EYS: variants seen among roughly 807,000 people sequenced by gnomAD.
EYS encodes the protein EGF-like photoreceptor maintenance factor.
Under a neutral mutation model 282.1 loss-of-function variants are expected in EYS, and 250 were observed. That is an observed-to-expected ratio of 0.89 (90% CI 0.80 to 0.98). EYS has a LOEUF of 0.98. EYS is among the 50% of genes least tolerant of loss of function. The probability of loss-of-function intolerance (pLI) is 0.00; values close to 1 mark genes in which losing one functional copy is unlikely to be tolerated. For synonymous variants in EYS, 1,355 were observed against 1,282.9 expected (o/e 1.06, Z -1.20); for missense variants, 4,016 against 3,709.0 (o/e 1.08, Z -2.15).
intron 1 of EYS, among the ~76,000 whole-genome samples, chr6:65,691,996 C>T (rs139598224): frequency 0.019 from 2,874 of 149,924 alleles, 121 homozygotes; most frequent in Non-Finnish European, 0.03. Context: ...CAGCACTTCT[C>T]ACAATAGGAG....
intron 16 of EYS, among the ~76,000 whole-genome samples, chr6:64,910,727 A>C (rs1030144777): frequency 2.6e-5 from 4 of 152,078 alleles, no homozygotes; most frequent in African/African-American, 9.6e-5. Flanking sequence ...TATCATTACT[A>C]GTTCAATATA....
chr6:64,618,710 A>T (rs779668491), intron 23 of EYS, among the ~76,000 whole-genome samples: 14 of 152,186 alleles, frequency 9.2e-5, no homozygotes, highest in Admixed American at 6.6e-5. Flanking sequence ...ACTTAGAAAT[A>T]GCGGCCAAGA....
chr6:65,206,894 T>C (rs1339136963), intron 12 of EYS, among the ~76,000 whole-genome samples: 2 of 151,906 alleles, frequency 1.3e-5, no homozygotes, highest in African/African-American at 4.8e-5. Flanking sequence ...AAGAGCCATA[T>C]GTGACAAACC....
At chr6:64,343,201 C>A (rs1388669956) in intron 29 of EYS, among the ~76,000 whole-genome samples, 1 of 151,904 alleles carries the variant, frequency 6.6e-6, no homozygotes. Context: ...CTGCACCAAG[C>A]GGACCTAATA....
At chr6:65,523,531 G>GA (rs1349444671) in intron 2 of EYS, among the ~76,000 whole-genome samples, 1 of 152,140 alleles carries the variant, frequency 6.6e-6, no homozygotes, top group Admixed American at 6.5e-5. Flanking sequence ...GAGGAGGTGG[G>GA]AAAATGGGGA....
chr6:64,213,677 G>A (rs1348558816), intron 31 of EYS, among the ~76,000 whole-genome samples: 1 of 152,084 alleles, frequency 6.6e-6, no homozygotes, highest in African/African-American at 2.4e-5. Context: ...GCATTAATGT[G>A]ACATGTTAAT....
chr6:63,822,555 C>A (rs1305916646), intron 36 of EYS: 1 of 152,174 alleles, frequency 6.6e-6, no homozygotes, highest in Non-Finnish European at 1.5e-5. Flanking sequence ...ATAATTAACA[C>A]CATTGAACAA....
chr6:64,612,636 G>A (rs1286683045), intron 24 of EYS, among the ~76,000 whole-genome samples: 2 of 151,930 alleles, frequency 1.3e-5, no homozygotes, highest in Admixed American at 1.3e-4. Context: ...AGAAAAACCT[G>A]AGAGTTCAGA....
chr6:65,299,187 T>C (rs1277229545), intron 11 of EYS, among the ~76,000 whole-genome samples: 2 of 152,122 alleles, frequency 1.3e-5, no homozygotes, highest in African/African-American at 4.8e-5. Context: ...GATTAAAAAA[T>C]CTGTCCTATT....
At chr6:64,599,064 G>T (rs890590692) in intron 24 of EYS, among the ~76,000 whole-genome samples, 1 of 152,210 alleles carries the variant, frequency 6.6e-6, no homozygotes, top group Admixed American at 6.5e-5. Flanking sequence ...AGGTAGAAAT[G>T]AGGTCACAGA....
chr6:64,284,148 A>G (rs1375549312), intron 30 of EYS, among the ~76,000 whole-genome samples: 1 of 152,246 alleles, frequency 6.6e-6, no homozygotes, highest in Non-Finnish European at 1.5e-5. Flanking sequence ...ATCTGAGATA[A>G]GGCAATTCCC....
chr6:65,345,826 G>C (rs2150321339), intron 9 of EYS, among the ~76,000 whole-genome samples: 1 of 151,642 alleles, frequency 6.6e-6, no homozygotes, highest in South Asian at 2.1e-4. Context: ...ATGATACACT[G>C]ACTAAATTAG....
intron 26 of EYS, among the ~76,000 whole-genome samples, chr6:64,559,139 T>G (rs987114825): frequency 6.6e-6 from 1 of 152,138 alleles, no homozygotes; most frequent in African/African-American, 2.4e-5. Flanking sequence ...TTTGCAAACC[T>G]TTTCTCTAAA....
At chr6:64,492,265 G>A (rs758861519) in intron 26 of EYS, among the ~76,000 whole-genome samples, 6 of 151,150 alleles carry the variant, frequency 4.0e-5, no homozygotes, top group Non-Finnish European at 7.4e-5. Context: ...TGAAGTCCAT[G>A]TATTCATAAC....
At chr6:63,783,322 G>A (rs1770283829) in intron 39 of EYS, among the ~76,000 whole-genome samples, 1 of 152,162 alleles carries the variant, frequency 6.6e-6, no homozygotes, top group Non-Finnish European at 1.5e-5. Flanking sequence ...ACAGGACTGT[G>A]CAGAAGATTT....
At chr6:64,970,188 G>A (rs1460313872) in intron 14 of EYS, among the ~76,000 whole-genome samples, 3 of 151,446 alleles carry the variant, frequency 2.0e-5, no homozygotes, top group East Asian at 3.9e-4. Flanking sequence ...TGTAATGAAT[G>A]CATAAAGTGT....
chr6:64,847,104 T>C (rs1054254460), intron 19 of EYS, among the ~76,000 whole-genome samples: 4 of 152,094 alleles, frequency 2.6e-5, no homozygotes, highest in Non-Finnish European at 4.4e-5. Flanking sequence ...AGCTGGAACA[T>C]TGATTTTCTC....
rs77878255 is a variant in EYS at position 65,168,258 on chromosome 6, G to A, written c.2024-110531C>T. On this transcript the variant is annotated intron_variant, in intron 12 of 42. Transcript: ENST00000503581. Reference sequence around the variant, plus strand: ...TGGCAGGCCTGGAAGTTCAGTAGCAGTCCAGTACCACCAAAATCTAATTGC... The same window carrying A: ...TGGCAGGCCTGGAAGTTCAGTAGCAATCCAGTACCACCAAAATCTAATTGC... Among the ~76,000 whole-genome samples, 1,210 of 151,352 alleles carry A rather than the reference G, an allele frequency of 8.0e-3. 10 individuals carry two copies. Among genetic ancestry groups the A allele is most frequent in the African/African-American group, 0.026 (1,095 of 41,408 alleles).
intron 36 of EYS, among the ~76,000 whole-genome samples, chr6:63,829,183 T>C (rs112616657): frequency 0.013 from 1,958 of 152,262 alleles, 36 homozygotes; most frequent in African/African-American, 0.045. Context: ...ATGGGTAATT[T>C]CTGCATTTCC....
Sources: gnomAD v4.1 joint callset for allele counts (sites outside exome capture counted in the v4.1 genomes callset) on GRCh38, gnomAD v4.1.1 for gene constraint, MANE v1.5 for transcripts, NCBI Gene and HGNC (gene_info 2026-07-23, HGNC 2026-07-21) for gene names.